The following MUSK variants were observed in gnomAD, a reference collection of about 807,000 sequenced individuals.
The protein encoded by MUSK is muscle associated receptor tyrosine kinase, also known as muscle, skeletal receptor tyrosine-protein kinase.
MUSK carries 55 observed loss-of-function variants against 88.7 expected under a neutral mutation model. The observed-to-expected ratio is 0.62, with a 90% CI of 0.50 to 0.78. The LOEUF (loss-of-function observed/expected upper bound fraction) is 0.78. Among genes scored for constraint, MUSK ranks in the 30% least tolerant of loss-of-function variants. The pLI is 0.00. For missense variants in MUSK, 1,015 were observed against 1,074.3 expected, an observed-to-expected ratio of 0.94 and a Z score of 0.77; for synonymous variants, 387 against 391.9, an observed-to-expected ratio of 0.99 and a Z score of 0.15.
chr9:110,737,957 G>C (rs1240351549), intron 6 of MUSK, among the ~76,000 whole-genome samples: 1 of 152,072 alleles, frequency 6.6e-6, no homozygotes, highest in African/African-American at 2.4e-5. Flanking sequence ...CCTCAGCCTG[G>C]TGCCATATGC....
At chr9:110,769,074 C>T (rs1445100064) in intron 9 of MUSK, among the ~76,000 whole-genome samples, 6 of 151,824 alleles carry the variant, frequency 4.0e-5, no homozygotes, top group East Asian at 3.9e-4. Context: ...CTCATCTGCA[C>T]GGTAGAATTG....
intron 1 of MUSK, among the ~76,000 whole-genome samples, chr9:110,669,968 T>G (rs2075936375): frequency 6.6e-6 from 1 of 151,994 alleles, no homozygotes; most frequent in African/African-American, 2.4e-5. Context: ...TGTAGATAAA[T>G]GAAGGTGGTA....
intron 14 of MUSK, among the ~76,000 whole-genome samples, chr9:110,790,988 G>C (rs532643080): frequency 9.8e-5 from 15 of 152,314 alleles, no homozygotes; most frequent in African/African-American, 3.6e-4. Flanking sequence ...ATGCAAAGGA[G>C]TGATTATTAT....
Position 110,689,743 on chromosome 9 carries a change from T to TATATATATAATA in MUSK, c.358+2475_358+2476insATATATATAATA, listed in dbSNP as rs1417062202. On this transcript the variant is annotated intron_variant, in intron 3 of 14. Coordinates refer to ENST00000374448, the MANE Select transcript of MUSK (RefSeq NM_005592.4). ...TGTTATATATAGTTTATATATAATA[T>TATATATATAATA]TATATATTATATATAAACTATATAT... 2.6e-3 allele frequency among the ~76,000 whole-genome samples: 192 copies of TATATATATAATA among 74,106 alleles called. 8 individuals are homozygous for TATATATATAATA. The highest frequency in any genetic ancestry group is 0.014 in the African/African-American group (187 of 13,256). The allele number at this position is 74,106 out of a possible 152,430, so 48.6% of individuals were successfully genotyped here.
At chr9:110,679,868 T>A (rs1232988221) in intron 1 of MUSK, among the ~76,000 whole-genome samples, 1 of 152,128 alleles carries the variant, frequency 6.6e-6, no homozygotes, top group African/African-American at 2.4e-5. Context: ...ATTTTAAACT[T>A]CTTTCCTGAA....
rs1174184253 is a variant in MUSK, at chr9:110,775,932, C to T, written c.1329C>T (p.Asp443=). 3 of 1,613,650 alleles carry T rather than the reference C, an allele frequency of 1.9e-6. No homozygotes were observed. Among genetic ancestry groups the T allele is most frequent in the Admixed American group, 3.3e-5 (2 of 59,990 alleles). The part of the protein sequence containing the change: ...ECSKLPSMHW[D]PTACARLPHL... ...GCAAGCTTCCCAGCATGCATTGGGA[C>T]CCCACGGCCTGTGCCAGACTGCCAC... Residue 443 remains aspartate, a synonymous_variant, in exon 10 of 15, where the codon GAC becomes GAT. Transcript: ENST00000374448.
At chr9:110,718,676 G>A (rs2076774548) in intron 5 of MUSK, among the ~76,000 whole-genome samples, 1 of 151,970 alleles carries the variant, frequency 6.6e-6, no homozygotes, top group Non-Finnish European at 1.5e-5. Context: ...AATAATCAAG[G>A]AAAACTTCCC....
At position 110,706,630 on chromosome 9, in the gene MUSK, A is replaced by G. The variant is rs535222070; in HGVS notation, c.628+9164A>G. On this transcript the variant is annotated intron_variant, in intron 5 of 14. Transcript: ENST00000374448. ...CTGGAATTTTCAGTGAGGGTTTGCTATCATGATTGCTTGGGACAACTTTTG... is the reference window on the plus strand; with the variant it reads ...CTGGAATTTTCAGTGAGGGTTTGCTGTCATGATTGCTTGGGACAACTTTTG... Among the ~76,000 whole-genome samples the G allele has an allele frequency of 1.4e-4, 22 of 152,298 alleles. No homozygotes were observed. The East Asian group carries it at 2.3e-3, about 16-fold the overall frequency.
At position 110,785,635 on chromosome 9, in the gene MUSK, G is replaced by A. The variant is rs768663353; in HGVS notation, c.1695G>A (p.Leu565=). The A allele has an allele frequency of 1.2e-6, 2 of 1,613,022 alleles. No individual in the cohort carries two copies. The highest frequency in any genetic ancestry group is 3.3e-5 in the Admixed American group (2 of 59,940). The stretch of plus-strand genomic sequence containing the variant: ...TGCCGCTCCTTCTGAACCCCAAATT[G>A]CTCAGCCTGGAGTATCCAAGGAATA... The part of the protein sequence containing the change: ...QRMPLLLNPK[L]LSLEYPRNNI... Residue 565 remains leucine (L), a synonymous_variant, in exon 13 of 15, where the codon TTG becomes TTA. Coordinates refer to ENST00000374448, the MANE Select transcript of MUSK (RefSeq NM_005592.4).
At chr9:110,715,556 G>A (rs768937749) in intron 5 of MUSK, among the ~76,000 whole-genome samples, 1 of 148,750 alleles carries the variant, frequency 6.7e-6, no homozygotes, top group South Asian at 2.1e-4. Context: ...TTACCAAATG[G>A]TCAGAGATTT....
Position 110,682,672 on chromosome 9 carries a change from A to G in MUSK, c.80-2A>G, listed in dbSNP as rs1229399322. 6.2e-7 allele frequency: 1 copy of G among 1,610,804 alleles called. No individual in the cohort carries two copies. Among genetic ancestry groups the G allele is most frequent in the South Asian group, 1.1e-5 (1 of 90,380 alleles). The stretch of plus-strand genomic sequence containing the variant: ...CTCTTTTGATTTCTCCTTTCCTTTC[A>G]GCTCCTGTCATCACCACTCCTCTTG... On this transcript the variant is annotated splice_acceptor_variant, in intron 1 of 14. Coordinates refer to ENST00000374448, the MANE Select transcript of MUSK (RefSeq NM_005592.4). LOFTEE classifies it high-confidence loss of function.
At chr9:110,758,117 T>A (rs911962195) in intron 7 of MUSK, among the ~76,000 whole-genome samples, 1 of 151,964 alleles carries the variant, frequency 6.6e-6, no homozygotes, top group Non-Finnish European at 1.5e-5. Context: ...GTGTGTGCCA[T>A]AACGCCCAGC....
At chr9:110,761,612 C>T (rs1228166244) in intron 7 of MUSK, among the ~76,000 whole-genome samples, 29 of 112,266 alleles carry the variant, frequency 2.6e-4, no homozygotes, top group Non-Finnish European at 3.8e-4. Flanking sequence ...GTCTCGCTGT[C>T]GCCCAGGCTG....
rs1037395942 is a variant in MUSK at position 110,805,952 on chromosome 9, T to A, written c.*4964T>A. On this transcript the variant is annotated 3_prime_UTR_variant, in exon 15 of 15. Transcript: ENST00000374448. ...AAAACTCAGGAGTTTTTCTCTATAA[T>A]CTTGGTTAGTTTATTTTTAAATAAT... is the stretch of plus-strand genomic sequence containing the variant. Among the ~76,000 whole-genome samples, 2 of 152,188 alleles carry A rather than the reference T, an allele frequency of 1.3e-5. No individual in the cohort carries two copies. Among genetic ancestry groups the A allele is most frequent in the East Asian group, 3.9e-4 (2 of 5,192 alleles).
intron 14 of MUSK, among the ~76,000 whole-genome samples, chr9:110,789,075 A>T (rs1247766367): frequency 6.6e-6 from 1 of 152,186 alleles, no homozygotes; most frequent in African/African-American, 2.4e-5. Flanking sequence ...TTGGCTTTTA[A>T]TCTAAGTTGG....
chr9:110,761,038 A>G (rs567795790), intron 7 of MUSK, among the ~76,000 whole-genome samples: 25 of 152,218 alleles, frequency 1.6e-4, no homozygotes, highest in Non-Finnish European at 2.8e-4. Context: ...TTTACTGTTT[A>G]TTTTCGTAAT....
chr9:110,729,109 G>A (rs1383468543), intron 5 of MUSK, among the ~76,000 whole-genome samples: 1 of 151,570 alleles, frequency 6.6e-6, no homozygotes, highest in Non-Finnish European at 1.5e-5. Context: ...ATGTTAGGAT[G>A]TCAAGGTGCC....
intron 5 of MUSK, among the ~76,000 whole-genome samples, chr9:110,716,867 G>A (rs186273278): frequency 1.8e-4 from 27 of 149,700 alleles, no homozygotes; most frequent in Non-Finnish European, 7.4e-5. Context: ...TTAACCTTTG[G>A]ATGATGTTCC....
In MUSK at chr9:110,800,372, A is replaced by C. The variant is rs191497026; in HGVS notation, c.1994A>C (p.Glu665Ala). 1 of 1,613,814 alleles carries C rather than the reference A, an allele frequency of 6.2e-7. No homozygotes were observed. The stretch of plus-strand genomic sequence containing the variant: ...TACATGGCCTATGGTGACCTCAATG[A>C]GTTCCTCCGCAGCATGTCCCCTCAC... ...FEYMAYGDLN[E>A]FLRSMSPHTV... Residue 665 changes from glutamate to alanine, a missense_variant, in exon 15 of 15, where the codon GAG becomes GCG. Transcript: ENST00000374448.
Sources: allele counts gnomAD v4.1 joint callset (sites outside exome capture counted in the v4.1 genomes callset), GRCh38; gene constraint gnomAD v4.1.1; transcripts MANE v1.5; gene names NCBI Gene and HGNC (gene_info 2026-07-23, HGNC 2026-07-21).